Variants in IL7 observed in about 807,000 individuals in gnomAD.
IL7 encodes the protein interleukin-7.
A neutral mutation model predicts 21.6 loss-of-function variants in IL7; 3 were observed. The ratio of observed to expected loss-of-function variants is 0.14; its 90% confidence interval spans 0.06 to 0.36. The LOEUF (loss-of-function observed/expected upper bound fraction) is 0.36, where lower values mean the gene tolerates loss of function less well. IL7 is among the 10% of genes least tolerant of loss of function. The probability of loss-of-function intolerance (pLI) is 1.00; values close to 1 mark genes in which losing one functional copy is unlikely to be tolerated. For synonymous variants in IL7, 62 were observed against 68.1 expected, an observed-to-expected ratio of 0.91 and a Z score of 0.44; for missense variants, 175 against 200.2, an observed-to-expected ratio of 0.87 and a Z score of 0.76.
At chr8:78,721,220 C>A (rs1399853642) in intron 4 of IL7, 2 of 152,032 alleles carry the variant, frequency 1.3e-5, no homozygotes, top group African/African-American at 4.8e-5. Context: ...CCAAAAAGTG[C>A]GGCAGAAATA....
intron 1 of IL7, among the ~76,000 whole-genome samples, chr8:78,802,419 C>T (rs1244012293): frequency 2.0e-5 from 3 of 151,078 alleles, no homozygotes; most frequent in Non-Finnish European, 2.9e-5. Context: ...AAATTCCTTT[C>T]GTATTTTTCT....
chr8:78,804,453 C>A (rs1171421410), intron 1 of IL7, among the ~76,000 whole-genome samples: 1 of 152,178 alleles, frequency 6.6e-6, no homozygotes, highest in Non-Finnish European at 1.5e-5. Flanking sequence ...AAAGCGCGTC[C>A]CGTGGGAGCT....
At chr8:78,755,925 T>C (rs1032840201) in intron 2 of IL7, among the ~76,000 whole-genome samples, 11 of 152,030 alleles carry the variant, frequency 7.2e-5, no homozygotes, top group Admixed American at 2.0e-4. Context: ...TAAGAAAGAC[T>C]TTCAGTTTTT....
chr8:78,801,884 C>T (rs562361064), intron 1 of IL7, among the ~76,000 whole-genome samples: 3 of 152,266 alleles, frequency 2.0e-5, no homozygotes, highest in African/African-American at 7.2e-5. Flanking sequence ...TAATTGAAGA[C>T]CTTTCTCCTA....
At chr8:78,724,714 C>T (rs946234031) in intron 3 of IL7, among the ~76,000 whole-genome samples, 8 of 151,984 alleles carry the variant, frequency 5.3e-5, no homozygotes, top group African/African-American at 1.9e-4. Context: ...TTTGAATAAG[C>T]AACTTGTATG....
intron 2 of IL7, 40 bp downstream of exon 2, chr8:78,798,032 C>T (rs772334216): frequency 6.5e-7 from 1 of 1,527,864 alleles, no homozygotes; most frequent in South Asian, 1.3e-5. Context: ...CAAATTTTCC[C>T]AATGCATGAA....
intron 2 of IL7, 127 bp from the exon 3 acceptor site, chr8:78,740,209 C>T (rs1811732608): frequency 2.1e-6 from 1 of 486,588 alleles, no homozygotes; most frequent in Non-Finnish European, 3.1e-6. Context: ...ATAAGTTTTG[C>T]CTGGCTCAGC....
rs1005027874 is a variant in IL7, at chr8:78,706,341, T to C, written n.214+15007A>G. Among the ~76,000 whole-genome samples the C allele has an allele frequency of 2.6e-5, 4 of 152,178 alleles. No individual in the cohort carries two copies. The South Asian group carries it at 8.3e-4, about 32-fold the overall frequency. On this transcript the variant is annotated intron_variant and non_coding_transcript_variant, in intron 3 of 4. Transcript: ENST00000523959. Reference sequence around the variant, plus strand: ...GTCTAACATCCTGCTTTGCTGGAGTTGCAGTTACTTTTGCTGGGAAGTTTG... The same window carrying C: ...GTCTAACATCCTGCTTTGCTGGAGTCGCAGTTACTTTTGCTGGGAAGTTTG...
chr8:78,724,435 AT>A (rs1454296215), intron 3 of IL7, among the ~76,000 whole-genome samples: 1 of 151,768 alleles, frequency 6.6e-6, no homozygotes, highest in Non-Finnish European at 1.5e-5. Flanking sequence ...AAAAAGTTTT[AT>A]TTTTCTCCTA....
Position 78,740,031 on chromosome 8 carries a change from A to C in IL7, c.199T>G (p.Phe67Val). Reference sequence around the variant, plus strand: ...TTAGCATCACAGATATGTCTTTTAAAAAAGTTAAATTCATTATTCAGGCAA... The same window carrying C: ...TTAGCATCACAGATATGTCTTTTAACAAAGTTAAATTCATTATTCAGGCAA... ...SNCLNNEFNF[F>V]KRHICDANKE... The change falls in exon 3 of 6, where the codon TTT (phenylalanine) becomes GTT (valine). Residue 67 changes from phenylalanine (F) to valine (V), a missense_variant. By Grantham distance (50) the Phe-to-Val change is conservative. Coordinates refer to ENST00000263851, the MANE Select transcript of IL7 (RefSeq NM_000880.4). 1 of 1,542,412 alleles carries C rather than the reference A, an allele frequency of 6.5e-7. No individual in the cohort carries two copies.
intron 3 of IL7, chr8:78,697,366 A>G: frequency 6.7e-7 from 1 of 1,497,898 alleles, no homozygotes; most frequent in Non-Finnish European, 9.1e-7. Context: ...ATCCATAATC[A>G]AAAAGTGATG....
chr8:78,744,704 A>G (rs1811918500), intron 2 of IL7, among the ~76,000 whole-genome samples: 2 of 152,144 alleles, frequency 1.3e-5, no homozygotes, highest in African/African-American at 4.8e-5. Context: ...GGGAAGCCTG[A>G]AGGTGGAATA....
intron 2 of IL7, among the ~76,000 whole-genome samples, chr8:78,749,070 C>G (rs768909936): frequency 4.7e-4 from 72 of 152,252 alleles, no homozygotes; most frequent in Non-Finnish European, 4.1e-4. Flanking sequence ...GTTTAACTGT[C>G]ATTTAACTGA....
intron 2 of IL7, among the ~76,000 whole-genome samples, chr8:78,775,997 C>T (rs1290510350): frequency 1.3e-5 from 2 of 152,008 alleles, no homozygotes; most frequent in African/African-American, 4.8e-5. Context: ...ATGCCTGAGA[C>T]CATACATGGT....
chr8:78,723,090 CAA>C (rs947230907), intron 3 of IL7, among the ~76,000 whole-genome samples: 2 of 48,620 alleles, frequency 4.1e-5, no homozygotes, highest in African/African-American at 1.1e-4. Flanking sequence ...TATAGAAGTA[CAA>C]ATATATATAT....
chr8:78,743,630 A>ATCAAAAT (rs1811875020), intron 2 of IL7, among the ~76,000 whole-genome samples: 1 of 152,098 alleles, frequency 6.6e-6, no homozygotes, highest in South Asian at 2.1e-4. Context: ...CAGGAGGATT[A>ATCAAAAT]AGTACTTCTC....
intron 2 of IL7, among the ~76,000 whole-genome samples, chr8:78,764,255 T>C (rs1462952860): frequency 6.6e-6 from 1 of 151,930 alleles, no homozygotes; most frequent in African/African-American, 2.4e-5. Context: ...TAATAAGAAA[T>C]TTGTAGGTTT....
rs539244097 is a variant in IL7 at position 78,697,146 on chromosome 8, C to T, written n.215-11199G>A. On this transcript the variant is annotated intron_variant and non_coding_transcript_variant, in intron 3 of 4. Coordinates refer to the IL7 transcript ENST00000523959. ...TAAGGGAATGTGAGCTGTTTCTTTC[C>T]AATTATTTTTTTACTGTGGTATAAT... Among the ~76,000 whole-genome samples, 9 of 152,114 alleles carry T rather than the reference C, an allele frequency of 5.9e-5. No homozygotes were observed. In the South Asian group the frequency reaches 1.7e-3, roughly 28 times the overall value.
At chr8:78,727,455 T>C (rs1811357776) in intron 3 of IL7, among the ~76,000 whole-genome samples, 1 of 152,046 alleles carries the variant, frequency 6.6e-6, no homozygotes, top group Non-Finnish European at 1.5e-5. Flanking sequence ...CCTTTTCAGG[T>C]CATGTTGACA....
Sources: gnomAD v4.1 joint callset for allele counts (sites outside exome capture counted in the v4.1 genomes callset) on GRCh38, gnomAD v4.1.1 for gene constraint, MANE v1.5 for transcripts, NCBI Gene and HGNC (gene_info 2026-07-23, HGNC 2026-07-21) for gene names.